Variants in ATXN1 observed in about 807,000 individuals in gnomAD.
ATXN1 encodes ataxin 1.
In ATXN1, 8 loss-of-function variants were observed where a neutral mutation model predicts 56.4. The ratio of observed to expected loss-of-function variants is 0.14; its 90% CI spans 0.08 to 0.26. The LOEUF is 0.26. Among genes scored for constraint, ATXN1 ranks in the 10% least tolerant of loss-of-function variants. ATXN1 has a pLI of 1.00. For synonymous variants in ATXN1, 514 were observed against 494.6 expected (o/e 1.04, Z -0.52); for missense variants, 987 against 1,106.5 (o/e 0.89, Z 1.53).
chr6:16,552,025 G>T lies in ATXN1; in HGVS notation c.-360-29337C>A, dbSNP rs150346303. Among the ~76,000 whole-genome samples the T allele has an allele frequency of 2.0e-5, 3 of 152,338 alleles. No homozygotes were observed. The East Asian group carries it at 5.8e-4, about 29-fold the overall frequency. On this transcript the variant is annotated intron_variant, in intron 4 of 7. Coordinates refer to ENST00000436367, the MANE Select transcript of ATXN1 (RefSeq NM_001128164.2). ...GATGCACCTGTGTGCGTATAGGATG[G>T]TGGACGTGTGCATAGGTGGATATGT...
chr6:16,454,146 A>AAAAAC, intron 6 of ATXN1, among the ~76,000 whole-genome samples: 2 of 149,172 alleles, frequency 1.3e-5, no homozygotes, highest in African/African-American at 5.0e-5. Context: ...AAAAAAAAAA[A>AAAAAC]AAAAAAAACA....
intron 2 of ATXN1, among the ~76,000 whole-genome samples, chr6:16,685,589 T>C (rs1269749631): frequency 3.3e-5 from 5 of 152,288 alleles, no homozygotes; most frequent in African/African-American, 1.2e-4. Context: ...ATATTATTAT[T>C]ACTATTATTA....
rs151106325 is a variant in ATXN1, at chr6:16,378,345, C to T, written c.-160-49875G>A. On this transcript the variant is annotated intron_variant, in intron 6 of 7. Transcript: ENST00000436367. The stretch of plus-strand genomic sequence containing the variant: ...AAGCACTTTATAATATACATTATAC[C>T]CTTAATATCCCCAGTAATTCTTTCA... Among the ~76,000 whole-genome samples, 1,316 of 152,156 alleles carry T rather than the reference C, an allele frequency of 8.6e-3. 6 individuals carry two copies. Among genetic ancestry groups the T allele is most frequent in the Non-Finnish European group, 0.015 (1,036 of 68,004 alleles).
At chr6:16,742,452 G>C (rs1243873403) in intron 2 of ATXN1, among the ~76,000 whole-genome samples, 4 of 152,214 alleles carry the variant, frequency 2.6e-5, no homozygotes, top group African/African-American at 9.7e-5. Flanking sequence ...GAACCTGCCA[G>C]GGCAGGGCAA....
chr6:16,441,315 G>A lies in ATXN1; in HGVS notation c.-161+44657C>T, dbSNP rs568690977. On this transcript the variant is annotated intron_variant, in intron 6 of 7. Transcript: ENST00000436367. Reference sequence around the variant, plus strand: ...AGGGAGGCAGAGAAGACGAAGCTAAGAAAATATAGGCCTTATTTTATTCCA... The same window carrying A: ...AGGGAGGCAGAGAAGACGAAGCTAAAAAAATATAGGCCTTATTTTATTCCA... Among the ~76,000 whole-genome samples, 3 of 152,246 alleles carry A rather than the reference G, an allele frequency of 2.0e-5. No homozygotes were observed. The East Asian group carries it at 5.8e-4, about 29-fold the overall frequency.
At chr6:16,753,789 T>C (rs1039799251) in intron 1 of ATXN1, among the ~76,000 whole-genome samples, 1 of 151,992 alleles carries the variant, frequency 6.6e-6, no homozygotes, top group African/African-American at 2.4e-5. Context: ...AACACAATGA[T>C]GAAAGTGCAC....
intron 3 of ATXN1, among the ~76,000 whole-genome samples, chr6:16,638,759 T>C (rs1763647141): frequency 6.6e-6 from 1 of 152,204 alleles, no homozygotes; most frequent in Non-Finnish European, 1.5e-5. Flanking sequence ...TTAAATGAAT[T>C]CCAATATGTG....
At chr6:16,473,462 C>T (rs188481183) in intron 6 of ATXN1, among the ~76,000 whole-genome samples, 2 of 152,250 alleles carry the variant, frequency 1.3e-5, no homozygotes, top group East Asian at 3.9e-4. Context: ...ATGGTCCTAT[C>T]CGAGGTCAGA....
chr6:16,446,639 A>T (rs1759641928), intron 6 of ATXN1, among the ~76,000 whole-genome samples: 1 of 152,224 alleles, frequency 6.6e-6, no homozygotes, highest in Non-Finnish European at 1.5e-5. Context: ...TCTTTTTCAA[A>T]GGGTTTAACA....
chr6:16,593,792 T>TA (rs941228000), intron 3 of ATXN1, among the ~76,000 whole-genome samples: 1 of 151,478 alleles, frequency 6.6e-6, no homozygotes, highest in Non-Finnish European at 1.5e-5. Flanking sequence ...CACTGCTGTA[T>TA]AATATTCCAT....
chr6:16,726,166 A>C (rs915404277), intron 2 of ATXN1, among the ~76,000 whole-genome samples: 1 of 152,140 alleles, frequency 6.6e-6, no homozygotes. Context: ...GGATCACCTG[A>C]GGTCAGGAGT....
In ATXN1 at chr6:16,299,501, A is replaced by T. The variant is rs1260654957; in HGVS notation, c.*6828T>A. 6.6e-6 allele frequency: 1 copy of T among 152,578 alleles called. No homozygotes were observed. Among genetic ancestry groups the T allele is most frequent in the African/African-American group, 2.4e-5 (1 of 41,428 alleles). The allele number at this position is 152,578 out of a possible 1,614,324, so 9.5% of individuals were successfully genotyped here. A position where few individuals can be genotyped will look rare whatever the true frequency, so the allele number is the denominator to read the frequency against. ...CTTAACTATTATGTATGCACTTAAAATTTTCTTTTCAATAAGGTGCAAAAC... is the reference window on the plus strand; with the variant it reads ...CTTAACTATTATGTATGCACTTAAATTTTTCTTTTCAATAAGGTGCAAAAC... On this transcript the variant is annotated 3_prime_UTR_variant, in exon 8 of 8. Transcript: ENST00000436367.
intron 6 of ATXN1, among the ~76,000 whole-genome samples, chr6:16,335,086 C>G (rs1298130059): frequency 1.3e-4 from 20 of 152,236 alleles, no homozygotes; most frequent in Non-Finnish European, 2.2e-4. Flanking sequence ...ACTACTTACT[C>G]TACATTTTTT....
At chr6:16,423,418 T>C (rs2282840) in intron 6 of ATXN1, among the ~76,000 whole-genome samples, 22,995 of 152,060 alleles carry the variant, frequency 0.15, 2,147 homozygotes, top group East Asian at 0.44. Context: ...GGGGTTTAAT[T>C]ACAAGGAATG....
chr6:16,409,615 T>C (rs559950813), intron 6 of ATXN1, among the ~76,000 whole-genome samples: 1 of 143,910 alleles, frequency 6.9e-6, no homozygotes, highest in Admixed American at 7.2e-5. Context: ...ATCGTGCCAC[T>C]GCATTCCAGC....
At chr6:16,732,299 G>T (rs530192431) in intron 2 of ATXN1, among the ~76,000 whole-genome samples, 2 of 152,214 alleles carry the variant, frequency 1.3e-5, no homozygotes, top group South Asian at 4.1e-4. Flanking sequence ...GGCCGGGTGT[G>T]GTGGCTCACG....
chr6:16,538,716 C>T (rs1014855920), intron 4 of ATXN1, among the ~76,000 whole-genome samples: 8 of 151,766 alleles, frequency 5.3e-5, no homozygotes, highest in Admixed American at 4.6e-4. Context: ...GAGATAGTCT[C>T]GCTCTGTCAC....
chr6:16,711,588 TA>T (rs56970591), intron 2 of ATXN1, among the ~76,000 whole-genome samples: 80 of 147,028 alleles, frequency 5.4e-4, no homozygotes, highest in African/African-American at 1.3e-3. Context: ...GTTCACAAAA[TA>T]AAAAAAAAAA....
At chr6:16,417,995 G>T (rs2113561105) in intron 6 of ATXN1, among the ~76,000 whole-genome samples, 1 of 152,252 alleles carries the variant, frequency 6.6e-6, no homozygotes, top group East Asian at 1.9e-4. Flanking sequence ...ACTATGAGAA[G>T]GAATGGATGA....
Sources: gnomAD v4.1 joint callset for allele counts (sites outside exome capture counted in the v4.1 genomes callset) on GRCh38, gnomAD v4.1.1 for gene constraint, MANE v1.5 for transcripts, NCBI Gene and HGNC (gene_info 2026-07-23, HGNC 2026-07-21) for gene names.